Variants in CDH22 observed in about 807,000 individuals in gnomAD.
CDH22 encodes cadherin-22.
A neutral mutation model predicts 58.4 loss-of-function variants in CDH22; 30 were observed. The ratio of observed to expected loss-of-function variants is 0.51; its 90% CI spans 0.38 to 0.70. The LOEUF is 0.70. Among genes scored for constraint, CDH22 ranks in the 30% least tolerant of loss-of-function variants. CDH22 has a pLI of 0.00. For missense variants in CDH22, 1,014 were observed against 1,233.9 expected (o/e 0.82, Z 2.67); for synonymous variants, 513 against 558.2 (o/e 0.92, Z 1.14).
At position 46,272,143 on chromosome 20, in the gene CDH22, T is replaced by A. The variant is rs190520237; in HGVS notation, c.-399-20450A>T. On this transcript the variant is annotated intron_variant, in intron 1 of 11. Coordinates refer to ENST00000537909, the MANE Select transcript of CDH22 (RefSeq NM_021248.3). ...GTCCACTTTACCTTCTAAATAACTCTCTAAATTGACCACTTCACATCATTT... is the reference window on the plus strand; with the variant it reads ...GTCCACTTTACCTTCTAAATAACTCACTAAATTGACCACTTCACATCATTT... Among the ~76,000 whole-genome samples, 253 of 152,326 alleles carry A rather than the reference T, an allele frequency of 1.7e-3. 3 individuals carry two copies. Among genetic ancestry groups the A allele is most frequent in the African/African-American group, 5.8e-3 (242 of 41,566 alleles).
At chr20:46,185,965 C>G (rs531553627) in intron 10 of CDH22, among the ~76,000 whole-genome samples, 125 of 152,228 alleles carry the variant, frequency 8.2e-4, no homozygotes, top group African/African-American at 3.0e-3. Flanking sequence ...ATAATCCCAG[C>G]ACTTTGGGAG....
chr20:46,218,969 A>G (rs2145699315), intron 4 of CDH22, among the ~76,000 whole-genome samples: 1 of 152,272 alleles, frequency 6.6e-6, no homozygotes, highest in East Asian at 1.9e-4. Flanking sequence ...GCTGCGCCCC[A>G]TAAAACCCAA....
chr20:46,250,277 C>T (rs1174152717), intron 2 of CDH22, among the ~76,000 whole-genome samples: 6 of 152,172 alleles, frequency 3.9e-5, no homozygotes, highest in African/African-American at 1.2e-4. Flanking sequence ...CTGGGGATTT[C>T]GCGGCGAGCA....
chr20:46,209,198 A>T (rs1308809288), intron 7 of CDH22, among the ~76,000 whole-genome samples: 2 of 152,194 alleles, frequency 1.3e-5, no homozygotes, highest in Non-Finnish European at 2.9e-5. Context: ...TGAGAAGATG[A>T]CTTTTGAGCA....
In CDH22 at chr20:46,251,287, G is replaced by A. The variant is rs2145738085; in HGVS notation, c.8C>T (p.Pro3Leu). The change falls in exon 2 of 12, where the codon CCG becomes CTG. Residue 3 changes from proline (P) to leucine (L), a missense_variant. Around this residue, in one of 2 missense-constraint regions of CDH22, gnomAD observed 806 missense variants for 1,038.7 expected, o/e 0.78. Transcript: ENST00000537909. The surrounding 1 kb of genome is among the most constrained non-coding windows in gnomAD (Gnocchi z 6.7). MR[P>L]RPEGRGLRAG... Reference sequence around the variant, plus strand: ...CCGGAGCCCCCTACCTTCGGGCCTCGGCCTCATCCTTGGCCTGCGCGGGGC... The same window carrying A: ...CCGGAGCCCCCTACCTTCGGGCCTCAGCCTCATCCTTGGCCTGCGCGGGGC... 1.4e-6 allele frequency: 2 copies of A among 1,457,324 alleles called. No individual in the cohort carries two copies. The highest frequency in any genetic ancestry group is 3.0e-5 in the East Asian group (1 of 32,892). 90.3% of individuals were successfully genotyped at this position (1,457,324 alleles called of 1,614,324 possible). A position where few individuals can be genotyped will look rare whatever the true frequency, so the allele number is the denominator to read the frequency against.
At position 46,195,005 on chromosome 20, in the gene CDH22, C is replaced by T. The variant is rs186453336; in HGVS notation, c.1423+4418G>A. On this transcript the variant is annotated intron_variant, in intron 8 of 11. Transcript: ENST00000537909. ...TCGGCCTCCCAAAGTGCTAGGATTACAGGCGTGAACCACCGTGCCCAGCCA... is the reference window on the plus strand; with the variant it reads ...TCGGCCTCCCAAAGTGCTAGGATTATAGGCGTGAACCACCGTGCCCAGCCA... Among the ~76,000 whole-genome samples, 4 of 152,304 alleles carry T rather than the reference C, an allele frequency of 2.6e-5. No homozygotes were observed. The East Asian group carries it at 5.8e-4, about 22-fold the overall frequency.
chr20:46,307,389 C>G (rs1222506234), intron 1 of CDH22, among the ~76,000 whole-genome samples: 1 of 152,228 alleles, frequency 6.6e-6, no homozygotes, highest in Admixed American at 6.5e-5. Flanking sequence ...TGCCCGGCAC[C>G]CCGCGCGCCC....
intron 1 of CDH22, among the ~76,000 whole-genome samples, chr20:46,263,140 C>T (rs920716629): frequency 1.3e-5 from 2 of 152,218 alleles, no homozygotes; most frequent in Non-Finnish European, 2.9e-5. Flanking sequence ...CTTCAGCTCA[C>T]ACTTCAGTGC....
intron 4 of CDH22, 101 bp downstream of exon 4, chr20:46,227,407 T>C: frequency 8.5e-7 from 1 of 1,183,168 alleles, no homozygotes; most frequent in South Asian, 1.4e-5. Flanking sequence ...TCAGAGCTTC[T>C]GGGACAGAAG....
chr20:46,188,641 G>A (rs1038397701), intron 8 of CDH22, among the ~76,000 whole-genome samples: 7 of 152,102 alleles, frequency 4.6e-5, no homozygotes, highest in African/African-American at 1.7e-4. Context: ...AGACATTCTC[G>A]AAGGGTCCTA....
chr20:46,185,166 C>T (rs1247802882), intron 10 of CDH22, among the ~76,000 whole-genome samples: 1 of 150,316 alleles, frequency 6.7e-6, no homozygotes, highest in Admixed American at 6.6e-5. Context: ...CACACACAAA[C>T]AACAACAAAC....
intron 2 of CDH22, among the ~76,000 whole-genome samples, chr20:46,246,576 C>T (rs956265529): frequency 3.3e-5 from 5 of 151,938 alleles, no homozygotes; most frequent in South Asian, 2.1e-4. Flanking sequence ...TGAGAAGGTT[C>T]GGGGAGAGGT....
intron 4 of CDH22, among the ~76,000 whole-genome samples, chr20:46,221,594 A>C (rs2086126154): frequency 6.6e-6 from 1 of 152,112 alleles, no homozygotes; most frequent in African/African-American, 2.4e-5. Flanking sequence ...GCATAACATC[A>C]CTTCTGCCAC....
chr20:46,174,204 C>T lies in CDH22; in HGVS notation c.*302G>A. The T allele has an allele frequency of 2.4e-6, 1 of 421,858 alleles. No individual in the cohort carries two copies. Among genetic ancestry groups the T allele is most frequent in the Middle Eastern group, 6.0e-4 (1 of 1,654 alleles). The allele number at this position is 421,858 out of a possible 1,614,324, so 26.1% of individuals were successfully genotyped here. On this transcript the variant is annotated 3_prime_UTR_variant, in exon 12 of 12. Transcript: ENST00000537909. This position sits in a 1 kb window ranked among gnomAD's most constrained non-coding sequence, Gnocchi z 4.4. ...CCCCAGGCCAGGATTGAGTGACCCG[C>T]CCCTTCCCGACTCTGCAACGCCACC...
At chr20:46,285,316 C>G (rs2086571361) in intron 1 of CDH22, among the ~76,000 whole-genome samples, 1 of 152,196 alleles carries the variant, frequency 6.6e-6, no homozygotes. Flanking sequence ...CTCCCCCACT[C>G]CCCCACCACA....
At chr20:46,270,153 G>A (rs1385271975) in intron 1 of CDH22, among the ~76,000 whole-genome samples, 1 of 152,208 alleles carries the variant, frequency 6.6e-6, no homozygotes, top group East Asian at 1.9e-4. Flanking sequence ...GGGGAAGAAA[G>A]TAGAAAGGGA....
Position 46,213,016 on chromosome 20 carries a change from C to T in CDH22, c.1011G>A (p.Glu337=). The part of the protein sequence containing the change: ...FKVTTDSDTQ[E]AIIVVQKRLD... Reference sequence around the variant, plus strand: ...GCACCTTCTGCACTACGATGATGGCCTCCTGAGTGTCGCTGTCTGTGGTGA... The same window carrying T: ...GCACCTTCTGCACTACGATGATGGCTTCCTGAGTGTCGCTGTCTGTGGTGA... Residue 337 remains glutamate, a synonymous_variant, in exon 6 of 12, where the codon GAG becomes GAA. Coordinates refer to ENST00000537909, the MANE Select transcript of CDH22 (RefSeq NM_021248.3). The T allele has an allele frequency of 1.9e-6, 3 of 1,614,158 alleles. No individual in the cohort carries two copies. Among genetic ancestry groups the T allele is most frequent in the Non-Finnish European group, 2.5e-6 (3 of 1,180,000 alleles).
At chr20:46,199,348 C>A in intron 8 of CDH22, 75 bp downstream of exon 8, 7 of 1,534,616 alleles carry the variant, frequency 4.6e-6, no homozygotes, top group Non-Finnish European at 5.3e-6. Context: ...CTGCCCCCAG[C>A]CCTTGGCCCC....
At chr20:46,229,950 G>A (rs1568666674) in intron 3 of CDH22, among the ~76,000 whole-genome samples, 1 of 152,104 alleles carries the variant, frequency 6.6e-6, no homozygotes. Flanking sequence ...AGGGACTCCC[G>A]AGGGGATGAT....
Sources: gnomAD v4.1 joint callset for allele counts (sites outside exome capture counted in the v4.1 genomes callset) on GRCh38, gnomAD v4.1.1 for gene constraint, gnomAD v4.1.1 regional missense constraint, Gnocchi (gnomAD v3.1) non-coding constraint, MANE v1.5 for transcripts, NCBI Gene and HGNC (gene_info 2026-07-23, HGNC 2026-07-21) for gene names.